Variants in RERE observed in about 807,000 individuals in gnomAD.
RERE encodes the protein arginine-glutamic acid dipeptide repeats protein.
A neutral mutation model predicts 146.1 loss-of-function variants in RERE; 40 were observed. The ratio of observed to expected loss-of-function variants is 0.27; its 90% confidence interval spans 0.21 to 0.36. RERE has a LOEUF of 0.36. Among genes scored for constraint, RERE ranks in the 10% least tolerant of loss-of-function variants. RERE has a pLI of 1.00. For missense variants in RERE, 1,933 were observed against 2,138.7 expected, an observed-to-expected ratio of 0.90 and a Z score of 1.90; for synonymous variants, 1,003 against 866.0, an observed-to-expected ratio of 1.16 and a Z score of -2.78.
At chr1:8,479,661 C>G (rs761777594) in intron 10 of RERE, among the ~76,000 whole-genome samples, 94 of 152,158 alleles carry the variant, frequency 6.2e-4, no homozygotes, top group Non-Finnish European at 1.0e-3. Flanking sequence ...CAAACAGCCA[C>G]CAGTAGCTAC....
chr1:8,549,428 T>G (rs1645907582), intron 6 of RERE, among the ~76,000 whole-genome samples: 1 of 152,160 alleles, frequency 6.6e-6, no homozygotes, highest in South Asian at 2.1e-4. Context: ...CGTAAGTTCA[T>G]GCTGATGTAA....
intron 1 of RERE, among the ~76,000 whole-genome samples, chr1:8,763,583 C>T (rs1319622524): frequency 2.0e-5 from 3 of 152,182 alleles, no homozygotes; most frequent in Non-Finnish European, 4.4e-5. Flanking sequence ...TGCAGTGAGG[C>T]AAGATCGAAC....
Position 8,656,267 on chromosome 1 carries a change from T to C in RERE, c.31A>G (p.Lys11Glu). ...CGGTCTCGGTCCCGGTCCTTCTCTT[T>C]GTCTTTGTCTTTGTCTTTGTCCGCT... MTADKDKDKDKEKDRDRDRDR... is the reference protein window; with the variant it reads MTADKDKDKDEEKDRDRDRDR... Residue 11 changes from lysine (K) to glutamate (E), a missense_variant, in exon 2 of 23, where the codon AAA (lysine) becomes GAA (glutamate). Physicochemically the swap from Lys to Glu is moderately conservative, Grantham distance 56. Transcript: ENST00000400908. The C allele has an allele frequency of 3.2e-6, 5 of 1,557,200 alleles. No homozygotes were observed. Among genetic ancestry groups the C allele is most frequent in the Non-Finnish European group, 4.4e-6 (5 of 1,140,226 alleles).
At chr1:8,731,182 C>T (rs1277761496) in intron 1 of RERE, among the ~76,000 whole-genome samples, 1 of 152,148 alleles carries the variant, frequency 6.6e-6, no homozygotes, top group East Asian at 1.9e-4. Flanking sequence ...TGTGGACTAG[C>T]TTGAGAGTTA....
intron 1 of RERE, among the ~76,000 whole-genome samples, chr1:8,745,751 T>C (rs556863424): frequency 5.3e-5 from 8 of 152,162 alleles, no homozygotes; most frequent in Non-Finnish European, 8.8e-5. Flanking sequence ...CTAACATATA[T>C]TCCCTTTCTT....
intron 12 of RERE, among the ~76,000 whole-genome samples, chr1:8,401,492 G>T (rs948637872): frequency 6.6e-6 from 1 of 152,056 alleles, no homozygotes. Context: ...GGGTGCAGTG[G>T]CTCATGCCTA....
intron 12 of RERE, among the ~76,000 whole-genome samples, chr1:8,418,596 C>T (rs1211958174): frequency 6.6e-6 from 1 of 152,186 alleles, no homozygotes; most frequent in Non-Finnish European, 1.5e-5. Context: ...GGACAATCAT[C>T]CAGGTGCCAG....
At chr1:8,754,272 A>G (rs555517747) in intron 1 of RERE, among the ~76,000 whole-genome samples, 15 of 151,580 alleles carry the variant, frequency 9.9e-5, no homozygotes, top group Non-Finnish European at 1.9e-4. Flanking sequence ...ATATTTTACA[A>G]TGGAGTTGCA....
intron 1 of RERE, among the ~76,000 whole-genome samples, chr1:8,686,606 TG>T (rs1363217441): frequency 6.6e-6 from 1 of 152,062 alleles, no homozygotes; most frequent in Non-Finnish European, 1.5e-5. Flanking sequence ...AAAAATTAGC[TG>T]GGTGTGGTGG....
intron 7 of RERE, among the ~76,000 whole-genome samples, chr1:8,525,468 G>A (rs902247577): frequency 6.6e-6 from 1 of 152,170 alleles, no homozygotes; most frequent in African/African-American, 2.4e-5. Context: ...CACCCAGCAC[G>A]ACTGAGGTTA....
intron 1 of RERE, among the ~76,000 whole-genome samples, chr1:8,678,334 G>A (rs1049796037): frequency 1.2e-4 from 18 of 151,976 alleles, no homozygotes; most frequent in Admixed American, 1.0e-3. Flanking sequence ...GGCGACTTTT[G>A]GGTCTTTTGT....
rs763675928 is a variant in RERE, at chr1:8,362,822, C to T, written c.1763G>A (p.Arg588Gln). 6 of 1,613,590 alleles carry T rather than the reference C, an allele frequency of 3.7e-6. No homozygotes were observed. The highest frequency in any genetic ancestry group is 1.1e-5 in the South Asian group (1 of 91,044). ...RGSMSTLRSG[R>Q]KKQPASPDGR... ...ATCAGGGCTGGCTGGCTGCTTCTTCCGACCACTGCGTAGTGTCGACATCTG... is the reference window on the plus strand; with the variant it reads ...ATCAGGGCTGGCTGGCTGCTTCTTCTGACCACTGCGTAGTGTCGACATCTG... Residue 588 changes from arginine to glutamine, a missense_variant, in exon 16 of 23, where the codon CGG becomes CAG. By Grantham distance (43) the Arg-to-Gln change is conservative (BLOSUM62 1). Around this residue, in one of 11 missense-constraint regions of RERE, gnomAD observed 1,255 missense variants for 1,153.8 expected, o/e 1.09. Transcript: ENST00000400908.
At chr1:8,417,751 A>T (rs1643816702) in intron 12 of RERE, among the ~76,000 whole-genome samples, 1 of 152,190 alleles carries the variant, frequency 6.6e-6, no homozygotes, top group Non-Finnish European at 1.5e-5. Context: ...GAGGGAATTC[A>T]AGGTCCCCCA....
chr1:8,694,180 G>A (rs1202301472), intron 1 of RERE, among the ~76,000 whole-genome samples: 1 of 152,138 alleles, frequency 6.6e-6, no homozygotes, highest in Non-Finnish European at 1.5e-5. Flanking sequence ...AAAAGAAGAA[G>A]TCAAGCTACT....
intron 10 of RERE, among the ~76,000 whole-genome samples, chr1:8,470,813 CTTTTTTTTTTT>C (rs71580028): frequency 1.9e-4 from 14 of 74,554 alleles, no homozygotes; most frequent in Non-Finnish European, 3.0e-4. Context: ...AAAGAAATAC[CTTTTTTTTTTT>C]TTTTTTTTTT....
intron 11 of RERE, among the ~76,000 whole-genome samples, chr1:8,440,834 T>C (rs894617644): frequency 2.0e-5 from 3 of 151,506 alleles, no homozygotes; most frequent in Non-Finnish European, 2.9e-5. Flanking sequence ...GAGGCGGAAG[T>C]TGCAGTGAAC....
intron 12 of RERE, among the ~76,000 whole-genome samples, chr1:8,382,974 C>T (rs753520877): frequency 1.3e-5 from 2 of 148,470 alleles, no homozygotes; most frequent in Non-Finnish European, 3.0e-5. Flanking sequence ...AAACTCAGAA[C>T]TAAGTTCACC....
intron 17 of RERE, 86 bp downstream of exon 17, chr1:8,361,677 C>A: frequency 7.4e-7 from 1 of 1,356,528 alleles, no homozygotes. Context: ...GGAGACAGGG[C>A]ACGGCCACCA....
At chr1:8,765,464 G>C (rs1640828263) in intron 1 of RERE, among the ~76,000 whole-genome samples, 1 of 152,168 alleles carries the variant, frequency 6.6e-6, no homozygotes, top group Admixed American at 6.5e-5. Flanking sequence ...CAATTGAATT[G>C]TACAATTTAA....
Sources: gnomAD v4.1 joint callset for allele counts (sites outside exome capture counted in the v4.1 genomes callset) on GRCh38, gnomAD v4.1.1 for gene constraint, gnomAD v4.1.1 regional missense constraint, MANE v1.5 for transcripts, NCBI Gene and HGNC (gene_info 2026-07-23, HGNC 2026-07-21) for gene names.